Variants in FBXW12 observed in about 807,000 individuals in gnomAD.
FBXW12 encodes F-box and WD repeat domain containing 12, also known as F-box/WD repeat-containing protein 12.
In FBXW12, 43 loss-of-function variants were observed where a neutral mutation model predicts 55.3. The ratio of observed to expected loss-of-function variants is 0.78; its 90% CI spans 0.61 to 1.00. The LOEUF (loss-of-function observed/expected upper bound fraction) is 1.00. FBXW12 is among the 50% of genes least tolerant of loss of function. FBXW12 has a pLI of 0.00. For missense variants in FBXW12, 524 were observed against 560.5 expected (o/e 0.93, Z 0.66); for synonymous variants, 184 against 203.8 (o/e 0.90, Z 0.83).
intron 10 of FBXW12, among the ~76,000 whole-genome samples, chr3:48,383,486 C>T (rs990136033): frequency 5.3e-5 from 8 of 152,102 alleles, no homozygotes; most frequent in African/African-American, 1.9e-4. Context: ...TTGGAATACA[C>T]GTCTTTTATC....
chr3:48,391,106 CAAAAAAAAAAAAAAAAAA>C (rs587685327), intron 10 of FBXW12, among the ~76,000 whole-genome samples: 6 of 82,908 alleles, frequency 7.2e-5, no homozygotes, highest in African/African-American at 2.7e-4. Flanking sequence ...CCTGTCTCTA[CAAAAAAAAAAAAAAAAAA>C]AAAAAAAAAA....
At chr3:48,380,574 C>A in intron 7 of FBXW12, 128 bp from the exon 8 acceptor site, 1 of 687,140 alleles carries the variant, frequency 1.5e-6, no homozygotes, top group South Asian at 1.7e-5. Flanking sequence ...CCACTCATCA[C>A]TCCTGAGATA....
At position 48,373,723 on chromosome 3, in the gene FBXW12, C is replaced by G. The variant is rs1233462612; in HGVS notation, c.286+18C>G. The G allele has an allele frequency of 2.5e-6, 4 of 1,600,684 alleles. No homozygotes were observed. Among genetic ancestry groups the G allele is most frequent in the Admixed American group, 3.4e-5 (2 of 59,480 alleles). On this transcript the variant is annotated intron_variant, in intron 4 of 10. Transcript: ENST00000296438. ...GAACATCGGTATGGGTATAGGTGCCCTAGAGGAACATGAGCAGCTTGTTTT... is the reference window on the plus strand; with the variant it reads ...GAACATCGGTATGGGTATAGGTGCCGTAGAGGAACATGAGCAGCTTGTTTT...
In FBXW12 at chr3:48,382,164, T is replaced by C. The variant is rs1220349285; in HGVS notation, c.1295+79T>C. 4 of 1,518,338 alleles carry C rather than the reference T, an allele frequency of 2.6e-6. No homozygotes were observed. In the East Asian group the frequency reaches 6.9e-5, roughly 26 times the overall value. The allele number at this position is 1,518,338 out of a possible 1,614,324, so 94.1% of individuals were successfully genotyped here. On this transcript the variant is annotated intron_variant, in intron 10 of 10. Transcript: ENST00000296438. ...ACGGAGTCTCCCTATGTCACCAGGC[T>C]GTAGTGCAGTGGCGTGATCTCAACT...
intron 10 of FBXW12, among the ~76,000 whole-genome samples, chr3:48,382,382 T>C (rs1560032795): frequency 1.3e-5 from 2 of 152,136 alleles, no homozygotes; most frequent in African/African-American, 4.8e-5. Flanking sequence ...CCCAAAGTGC[T>C]GGATTACAGG....
intron 10 of FBXW12, among the ~76,000 whole-genome samples, 179 bp downstream of exon 10, chr3:48,382,264 G>GCC (rs1472962410): frequency 1.3e-5 from 2 of 152,050 alleles, no homozygotes; most frequent in Non-Finnish European, 2.9e-5. Context: ...TTACAGGCAT[G>GCC]TGCCACCACA....
chr3:48,379,377 T>C (rs373914227), intron 6 of FBXW12, 23 bp from the exon 7 acceptor site: 58 of 1,612,284 alleles, frequency 3.6e-5, no homozygotes, highest in Non-Finnish European at 4.8e-5. Context: ...CCTATTGATA[T>C]GGTGGGGATG....
intron 2 of FBXW12, 96 bp from the exon 3 acceptor site, chr3:48,373,212 T>C (rs2036628800): frequency 6.3e-7 from 1 of 1,586,154 alleles, no homozygotes; most frequent in African/African-American, 1.3e-5. Flanking sequence ...GATTAACCTG[T>C]GCGGGCCCAG....
chr3:48,380,148 A>G (rs867360080), intron 7 of FBXW12: 1 of 141,848 alleles, frequency 7.0e-6, no homozygotes, highest in Non-Finnish European at 1.6e-5. Context: ...AAAAAAAAAA[A>G]TTTTTTTTTT....
intron 2 of FBXW12, 111 bp downstream of exon 2, chr3:48,372,968 A>T: frequency 9.6e-7 from 1 of 1,043,238 alleles, no homozygotes; most frequent in Non-Finnish European, 1.5e-6. Flanking sequence ...GGGGGTTAGC[A>T]TTCTTCATAC....
At chr3:48,385,894 A>G (rs886342983) in intron 10 of FBXW12, among the ~76,000 whole-genome samples, 1 of 152,092 alleles carries the variant, frequency 6.6e-6, no homozygotes, top group African/African-American at 2.4e-5. Flanking sequence ...GTTGAGTTAG[A>G]GTTCTTATAT....
chr3:48,375,476 A>C lies in FBXW12; in HGVS notation c.405+4A>C. On this transcript the variant is annotated splice_donor_region_variant and intron_variant, in intron 5 of 10. Coordinates refer to ENST00000296438, the MANE Select transcript of FBXW12 (RefSeq NM_207102.2). ...TTGTGCCTGGGATGTGCAAGAGGTG[A>C]GTCTGGCCAATATGTGGCAAAAGTA... 1 of 1,552,684 alleles carries C rather than the reference A, an allele frequency of 6.4e-7. No individual in the cohort carries two copies. Among genetic ancestry groups the C allele is most frequent in the Non-Finnish European group, 8.8e-7 (1 of 1,133,472 alleles).
At chr3:48,394,283 C>G (rs1480483816) in intron 10 of FBXW12, among the ~76,000 whole-genome samples, 1 of 151,952 alleles carries the variant, frequency 6.6e-6, no homozygotes, top group Non-Finnish European at 1.5e-5. Context: ...AAAAAAACAA[C>G]CTCTCTAATC....
chr3:48,381,789 A>T lies in FBXW12; in HGVS notation c.1075A>T (p.Ser359Cys). Residue 359 changes from serine to cysteine, a missense_variant, in exon 9 of 11, where the codon AGT becomes TGT. Physicochemically the swap from Ser to Cys is moderately radical, Grantham distance 112 (BLOSUM62 -1). Coordinates refer to ENST00000296438, the MANE Select transcript of FBXW12 (RefSeq NM_207102.2). ...TGATGGATATATGATTGTCTTTACCAGTGGACCATACTTGTTACTCTTCAG... is the reference window on the plus strand; with the variant it reads ...TGATGGATATATGATTGTCTTTACCTGTGGACCATACTTGTTACTCTTCAG... ...ASDGYMIVFT[S>C]GPYLLLFSIT... 2 of 1,612,752 alleles carry T rather than the reference A, an allele frequency of 1.2e-6. No homozygotes were observed. The highest frequency in any genetic ancestry group is 1.7e-6 in the Non-Finnish European group (2 of 1,179,116).
chr3:48,382,724 CT>C (rs893275216), intron 10 of FBXW12, among the ~76,000 whole-genome samples: 1 of 152,152 alleles, frequency 6.6e-6, no homozygotes, highest in African/African-American at 2.4e-5. Flanking sequence ...ATTTTTGCCC[CT>C]GGTTTGCTTG....
chr3:48,376,005 A>T (rs1490103602), intron 5 of FBXW12, among the ~76,000 whole-genome samples: 7 of 44,580 alleles, frequency 1.6e-4, no homozygotes, highest in Admixed American at 3.2e-4. Flanking sequence ...TTTTTTTGAG[A>T]CAGTCTCACT....
rs971493770 is a variant in FBXW12 at position 48,373,610 on chromosome 3, C to T, written c.191C>T (p.Thr64Ile). ...NFTNQHLGTH[T>I]WKQFFLHQRR... is the part of the protein sequence containing the mutation. ...ACCAATCAACACCTGGGCACACACA[C>T]ATGGAAGCAATTTTTCCTGCATCAA... Residue 64 changes from threonine to isoleucine, a missense_variant, in exon 4 of 11, where the codon ACA (threonine) becomes ATA (isoleucine). Coordinates refer to ENST00000296438, the MANE Select transcript of FBXW12 (RefSeq NM_207102.2). 1.2e-6 allele frequency: 2 copies of T among 1,614,152 alleles called. No homozygotes were observed. The highest frequency in any genetic ancestry group is 2.2e-5 in the South Asian group (2 of 91,082).
intron 10 of FBXW12, among the ~76,000 whole-genome samples, chr3:48,387,752 AT>A (rs1364360616): frequency 1.3e-5 from 2 of 151,934 alleles, no homozygotes; most frequent in East Asian, 3.9e-4. Context: ...ATTTGTGGAG[AT>A]TGGGTTTTGC....
At chr3:48,394,408 T>G (rs2106663155) in intron 10 of FBXW12, 152 bp from the exon 11 acceptor site, 1 of 573,138 alleles carries the variant, frequency 1.7e-6, no homozygotes, top group South Asian at 2.2e-5. Context: ...TTTCCCTGAT[T>G]TTATGTAGTT....
Sources: allele counts gnomAD v4.1 joint callset (sites outside exome capture counted in the v4.1 genomes callset), GRCh38; gene constraint gnomAD v4.1.1; transcripts MANE v1.5; gene names NCBI Gene and HGNC (gene_info 2026-07-23, HGNC 2026-07-21).